The following COG2 variants were observed in gnomAD, a reference collection of about 807,000 sequenced individuals.
The protein encoded by COG2 is component of oligomeric golgi complex 2, also known as conserved oligomeric Golgi complex subunit 2.
A neutral mutation model predicts 90.6 loss-of-function variants in COG2; 52 were observed. That is an observed-to-expected ratio of 0.57 (90% CI 0.46 to 0.72). COG2 has a LOEUF of 0.72. Among genes scored for constraint, COG2 ranks in the 30% least tolerant of loss-of-function variants. The pLI, the probability that COG2 is intolerant of heterozygous loss-of-function variation, is 0.00. For synonymous variants in COG2, 337 were observed against 320.4 expected (o/e 1.05, Z -0.55); for missense variants, 829 against 891.2 (o/e 0.93, Z 0.89).
Position 230,658,811 on chromosome 1 carries a change from G to A in COG2, c.73-653G>A, listed in dbSNP as rs144717667. 1.2e-4 allele frequency among the ~76,000 whole-genome samples: 18 copies of A among 152,240 alleles called. 1 individual carries two copies. Among genetic ancestry groups the A allele is most frequent in the Non-Finnish European group, 2.1e-4 (14 of 68,030 alleles). On this transcript the variant is annotated intron_variant, in intron 1 of 17. Transcript: ENST00000366669. ...GCCTTGCTGAGCTGCAGTGCACTCCGCAAGCTCCTGAACATCTTGTTCAAT... is the reference window on the plus strand; with the variant it reads ...GCCTTGCTGAGCTGCAGTGCACTCCACAAGCTCCTGAACATCTTGTTCAAT...
intron 4 of COG2, among the ~76,000 whole-genome samples, chr1:230,663,723 C>T (rs1662245815): frequency 6.6e-6 from 1 of 152,034 alleles, no homozygotes; most frequent in African/African-American, 2.4e-5. Flanking sequence ...TATAATGTTC[C>T]TTGATAATAT....
At chr1:230,673,271 A>T (rs1312316013) in intron 8 of COG2, among the ~76,000 whole-genome samples, 2 of 152,172 alleles carry the variant, frequency 1.3e-5, no homozygotes, top group African/African-American at 2.4e-5. Flanking sequence ...AGGAATCTGA[A>T]CTGTACCTTG....
chr1:230,669,269 T>C, intron 6 of COG2, 87 bp from the exon 7 acceptor site: 1 of 1,184,832 alleles, frequency 8.4e-7, no homozygotes, highest in Non-Finnish European at 1.2e-6. Context: ...TATCTGTTGG[T>C]GTAAGAGGCT....
At chr1:230,690,321 A>C (rs1571966268) in intron 16 of COG2, 168 bp downstream of exon 16, 3 of 551,040 alleles carry the variant, frequency 5.4e-6, no homozygotes, top group Non-Finnish European at 9.1e-6. Flanking sequence ...CCCTCCCCAC[A>C]CCCTTGTGGA....
intron 11 of COG2, among the ~76,000 whole-genome samples, 174 bp downstream of exon 11, chr1:230,683,809 T>G (rs1662815980): frequency 6.6e-6 from 1 of 152,058 alleles, no homozygotes; most frequent in African/African-American, 2.4e-5. Flanking sequence ...GCTTTTTTTT[T>G]GAGATGGAGT....
chr1:230,650,709 A>G (rs1661896142), intron 1 of COG2, among the ~76,000 whole-genome samples: 1 of 151,988 alleles, frequency 6.6e-6, no homozygotes, highest in Non-Finnish European at 1.5e-5. Flanking sequence ...ACGAAGTCTC[A>G]TTTGTCTATT....
intron 16 of COG2, among the ~76,000 whole-genome samples, chr1:230,690,840 G>A (rs1440608056): frequency 6.6e-6 from 1 of 152,144 alleles, no homozygotes; most frequent in Non-Finnish European, 1.5e-5. Context: ...CAGATGCCAA[G>A]TAACCAGCTT....
rs754104416 is a variant in COG2, at chr1:230,688,400, C to G, written c.1652-20C>G. The stretch of plus-strand genomic sequence containing the variant: ...CTGGGCCTGAGCATGATGATTAAAT[C>G]CAGTCTTTAATCTCAACAGCAGCCC... On this transcript the variant is annotated intron_variant, in intron 14 of 17. Transcript: ENST00000366669. 2 of 1,612,746 alleles carry G rather than the reference C, an allele frequency of 1.2e-6. No homozygotes were observed. Among genetic ancestry groups the G allele is most frequent in the African/African-American group, 1.3e-5 (1 of 74,902 alleles).
At chr1:230,654,629 G>GA (rs1662006153) in intron 1 of COG2, among the ~76,000 whole-genome samples, 1 of 152,154 alleles carries the variant, frequency 6.6e-6, no homozygotes, top group African/African-American at 2.4e-5. Context: ...CCAATTCTGT[G>GA]AAAAAAGTCA....
intron 1 of COG2, among the ~76,000 whole-genome samples, chr1:230,655,610 CAT>C (rs1314546303): frequency 1.3e-5 from 2 of 152,130 alleles, no homozygotes; most frequent in Non-Finnish European, 2.9e-5. Flanking sequence ...ATGCTGGCCT[CAT>C]AAAATGAATT....
At chr1:230,656,800 G>C (rs181403605) in intron 1 of COG2, among the ~76,000 whole-genome samples, 2 of 151,978 alleles carry the variant, frequency 1.3e-5, no homozygotes, top group Non-Finnish European at 1.5e-5. Context: ...ATTAGCTCTT[G>C]TTGCATTGAT....
chr1:230,642,657 C>G lies in COG2; in HGVS notation c.51C>G (p.Phe17Leu). ...CCAAGGGGCCGGACACGCTCTGCTT[C>G]GACAAGGACGAGTTCATGAAGGTGC... is the stretch of plus-strand genomic sequence containing the variant. ...NLPKGPDTLC[F>L]DKDEFMKEDF... is the part of the protein sequence containing the mutation. The change falls in exon 1 of 18, where the codon TTC (phenylalanine) becomes TTG (leucine). Residue 17 changes from phenylalanine (F) to leucine (L), a missense_variant. By Grantham distance (22) the Phe-to-Leu change is conservative. Transcript: ENST00000366669. 6.2e-7 allele frequency: 1 copy of G among 1,613,018 alleles called. No homozygotes were observed. The highest frequency in any genetic ancestry group is 1.3e-5 in the African/African-American group (1 of 74,986).
At chr1:230,658,257 G>A (rs1323978132) in intron 1 of COG2, among the ~76,000 whole-genome samples, 1 of 152,076 alleles carries the variant, frequency 6.6e-6, no homozygotes, top group Admixed American at 6.6e-5. Context: ...GTCTTTGAGT[G>A]GACATGCTAT....
chr1:230,660,818 G>A lies in COG2; in HGVS notation c.295G>A (p.Val99Ile), dbSNP rs774153345. 1.6e-5 allele frequency: 25 copies of A among 1,574,038 alleles called. No individual in the cohort carries two copies. Among genetic ancestry groups the A allele is most frequent in the East Asian group, 2.4e-5 (1 of 41,946 alleles). The change falls in exon 3 of 18, where the codon GTT becomes ATT. Residue 99 changes from valine to isoleucine, a missense_variant. Coordinates refer to ENST00000366669, the MANE Select transcript of COG2 (RefSeq NM_007357.3). ...SVPLGQLREEVLSLRSSVSEG... is the reference protein window; with the variant it reads ...SVPLGQLREEILSLRSSVSEG... ...GCCTTTGGGACAATTACGAGAAGAG[G>A]TTCTGGTAAGTTTCCCGAATAACAT...
At chr1:230,671,769 A>G (rs930486160) in intron 8 of COG2, 129 bp downstream of exon 8, 13 of 845,026 alleles carry the variant, frequency 1.5e-5, no homozygotes, top group Non-Finnish European at 2.3e-5. Flanking sequence ...GAATCTTGTT[A>G]TTTCATTGTT....
In COG2 at chr1:230,685,148, C is replaced by T; in HGVS notation, c.1292C>T (p.Ser431Leu). The change falls in exon 12 of 18, where the codon TCA becomes TTA. Residue 431 changes from serine to leucine, a missense_variant. By Grantham distance (145) the Ser-to-Leu change is moderately radical (BLOSUM62 -2). Transcript: ENST00000366669. ...RTWSSLRRCWSDEMFLPLLVH... is the reference protein window; with the variant it reads ...RTWSSLRRCWLDEMFLPLLVH... ...TGGAGCAGCCTTAGGAGGTGTTGGT[C>T]AGATGAGATGTTCTTGCCATTACTG... is the stretch of plus-strand genomic sequence containing the variant. 1 of 1,614,132 alleles carries T rather than the reference C, an allele frequency of 6.2e-7. No homozygotes were observed. The highest frequency in any genetic ancestry group is 8.5e-7 in the Non-Finnish European group (1 of 1,180,032).
At chr1:230,669,169 G>T in intron 6 of COG2, 187 bp from the exon 7 acceptor site, 1 of 512,160 alleles carries the variant, frequency 2.0e-6, no homozygotes, top group Non-Finnish European at 3.3e-6. Flanking sequence ...CTTCTTTGAT[G>T]AAGCAGAGAT....
At chr1:230,643,234 T>G (rs1272557533) in intron 1 of COG2, among the ~76,000 whole-genome samples, 1 of 152,244 alleles carries the variant, frequency 6.6e-6, no homozygotes, top group Non-Finnish European at 1.5e-5. Flanking sequence ...GTTGCTCTAC[T>G]TTTTACGTGA....
intron 1 of COG2, among the ~76,000 whole-genome samples, chr1:230,651,320 TA>T: frequency 6.6e-6 from 1 of 152,180 alleles, no homozygotes; most frequent in Non-Finnish European, 1.5e-5. Flanking sequence ...GCTCTTCTGT[TA>T]AAAGTTCTGT....
Sources: allele counts gnomAD v4.1 joint callset (sites outside exome capture counted in the v4.1 genomes callset), GRCh38; gene constraint gnomAD v4.1.1; transcripts MANE v1.5; gene names NCBI Gene and HGNC (gene_info 2026-07-23, HGNC 2026-07-21).